The following ARHGEF18 variants were observed in gnomAD, a reference collection of about 807,000 sequenced individuals.
The protein encoded by ARHGEF18 is Rho/Rac guanine nucleotide exchange factor 18.
A neutral mutation model predicts 155.7 loss-of-function variants in ARHGEF18; 93 were observed. That is an observed-to-expected ratio of 0.60 (90% CI 0.50 to 0.71). The LOEUF is 0.71. Ranked by LOEUF, ARHGEF18 falls within the 30% of genes least tolerant of loss-of-function variation. The pLI is 0.00. For synonymous variants in ARHGEF18, 742 were observed against 753.1 expected, an observed-to-expected ratio of 0.99 and a Z score of 0.24; for missense variants, 1,593 against 1,816.1, an observed-to-expected ratio of 0.88 and a Z score of 2.23.
At chr19:7,367,866 ATTTT>A (rs1207543438) in intron 2 of ARHGEF18, among the ~76,000 whole-genome samples, 15 of 106,084 alleles carry the variant, frequency 1.4e-4, no homozygotes, top group African/African-American at 2.0e-4. Flanking sequence ...ACACATATAT[ATTTT>A]TATATATATA....
At chr19:7,467,026 G>C in intron 24 of ARHGEF18, 45 bp from the exon 25 acceptor site, 2 of 1,611,586 alleles carry the variant, frequency 1.2e-6, no homozygotes, top group East Asian at 4.5e-5. Flanking sequence ...CGCGCGTGTG[G>C]CCTCAGCCCG....
intron 10 of ARHGEF18, among the ~76,000 whole-genome samples, chr19:7,406,425 G>C (rs1238914958): frequency 6.6e-6 from 1 of 152,146 alleles, no homozygotes; most frequent in Non-Finnish European, 1.5e-5. Flanking sequence ...TGAATTCTCT[G>C]TGAATATAAT....
intron 15 of ARHGEF18, among the ~76,000 whole-genome samples, chr19:7,449,686 AT>A (rs1215989645): frequency 1.3e-5 from 2 of 151,480 alleles, no homozygotes; most frequent in Non-Finnish European, 1.5e-5. Flanking sequence ...CATTTATTTT[AT>A]TTTTTTAGAG....
intron 15 of ARHGEF18, among the ~76,000 whole-genome samples, chr19:7,449,711 C>G (rs574854039): frequency 3.4e-4 from 51 of 152,132 alleles, no homozygotes; most frequent in African/African-American, 1.2e-3. Flanking sequence ...GGGTCTTGCT[C>G]TGTGGCCCAG....
intron 16 of ARHGEF18, 140 bp downstream of exon 16, chr19:7,451,406 T>A: frequency 3.6e-5 from 9 of 250,076 alleles, no homozygotes; most frequent in Non-Finnish European, 5.1e-5. Context: ...GTTCCTTCCT[T>A]TTTTTTTTTT....
intron 23 of ARHGEF18, 152 bp downstream of exon 23, chr19:7,464,842 T>A: frequency 1.8e-6 from 2 of 1,140,750 alleles, no homozygotes; most frequent in South Asian, 1.6e-5. Flanking sequence ...CAGCCCAGAT[T>A]AATGCACTGG....
chr19:7,414,424 C>T (rs956564578), intron 10 of ARHGEF18, among the ~76,000 whole-genome samples: 8 of 152,104 alleles, frequency 5.3e-5, no homozygotes, highest in Non-Finnish European at 8.8e-5. Context: ...TGCCTGTAAT[C>T]CCAGCACTTT....
chr19:7,365,762 G>T (rs954686354), intron 2 of ARHGEF18, among the ~76,000 whole-genome samples: 5 of 152,054 alleles, frequency 3.3e-5, no homozygotes, highest in Admixed American at 3.3e-4. Context: ...CTCCCATCAG[G>T]CACCAAGTCC....
intron 2 of ARHGEF18, among the ~76,000 whole-genome samples, chr19:7,367,612 G>A (rs1969943138): frequency 1.3e-5 from 2 of 150,690 alleles, no homozygotes; most frequent in Non-Finnish European, 3.0e-5. Flanking sequence ...CAGGTGTGGT[G>A]GTGGACACCT....
Position 7,369,018 on chromosome 19 carries a change from G to A in ARHGEF18, c.16-3794G>A, listed in dbSNP as rs536805251. Among the ~76,000 whole-genome samples, 3 of 152,322 alleles carry A rather than the reference G, an allele frequency of 2.0e-5. No individual in the cohort carries two copies. In the East Asian group the frequency reaches 5.8e-4, roughly 29 times the overall value. ...GAAGGCAGGCTGTGGAAACAGCAGA[G>A]TGAGTCCTTAGGAAGTTAAACCTAA... On this transcript the variant is annotated intron_variant, in intron 2 of 28. Coordinates refer to ENST00000668164, the MANE Select transcript of ARHGEF18 (RefSeq NM_001367823.1).
intron 23 of ARHGEF18, 79 bp from the exon 24 acceptor site, chr19:7,466,839 G>GT: frequency 3.2e-6 from 2 of 623,182 alleles, no homozygotes; most frequent in Non-Finnish European, 5.0e-6. Context: ...TAAAAAAAAA[G>GT]AAGAAGAAGA....
At chr19:7,478,904 TGAGG>T in the ARHGEF18 span, among the ~76,000 whole-genome samples, 1 of 152,120 alleles carries the variant, frequency 6.6e-6, no homozygotes, top group African/African-American at 2.4e-5. Context: ...ATCTGCAGGC[TGAGG>T]AAGGGGCTAC....
intron 15 of ARHGEF18, among the ~76,000 whole-genome samples, chr19:7,450,689 T>C (rs1193573916): frequency 2.6e-5 from 4 of 152,402 alleles, no homozygotes; most frequent in East Asian, 1.9e-4. Context: ...ATGCGGGATC[T>C]TGCTGTCCGT....
In ARHGEF18 at chr19:7,382,782, C is replaced by T. The variant is rs573266715; in HGVS notation, c.723-10C>T. ...GCCCCCTCTAGTGGACCTTCCCTCT[C>T]GTCCCTCAGGAGCGAGGACGGTGCT... On this transcript the variant is annotated splice_polypyrimidine_tract_variant and intron_variant, in intron 8 of 28. Coordinates refer to ENST00000668164, the MANE Select transcript of ARHGEF18 (RefSeq NM_001367823.1). The T allele has an allele frequency of 4.9e-6, 6 of 1,232,182 alleles. No homozygotes were observed. The highest frequency in any genetic ancestry group is 4.1e-5 in the South Asian group (1 of 24,292). The allele number at this position is 1,232,182 out of a possible 1,614,324, so 76.3% of individuals were successfully genotyped here. A position where few individuals can be genotyped will look rare whatever the true frequency, so the allele number is the denominator to read the frequency against.
At position 7,467,500 on chromosome 19, in the gene ARHGEF18, G is replaced by A. The variant is rs77975237; in HGVS notation, c.3296G>A (p.Arg1099His). The A allele has an allele frequency of 7.0e-7, 1 of 1,433,430 alleles. No individual in the cohort carries two copies. The highest frequency in any genetic ancestry group is 9.0e-7 in the Non-Finnish European group (1 of 1,105,612). The allele number at this position is 1,433,430 out of a possible 1,614,324, so 88.8% of individuals were successfully genotyped here. ...CGCGAGGGCGAGGCGCGGCAGCTACGCGAGCGGCTGGAGCAGGAGCGGGCC... is the reference window on the plus strand; with the variant it reads ...CGCGAGGGCGAGGCGCGGCAGCTACACGAGCGGCTGGAGCAGGAGCGGGCC... Reference protein sequence around the residue: ...QEREGEARQLRERLEQERAEL... With the variant: ...QEREGEARQLHERLEQERAEL... Residue 1099 changes from arginine (R) to histidine (H), a missense_variant, in exon 26 of 29, where the codon CGC becomes CAC. Physicochemically the swap from Arg to His is conservative, Grantham distance 29. Coordinates refer to ENST00000668164, the MANE Select transcript of ARHGEF18 (RefSeq NM_001367823.1).
rs57067990 is a variant in ARHGEF18 at position 7,398,703 on chromosome 19, A to T, written c.967+15500A>T. ...TAGACTCTGTCTCAAAAAAAAAAAA[A>T]AAAATAAAGAAAGAAAGAAAAGAGA... On this transcript the variant is annotated intron_variant, in intron 10 of 28. Coordinates refer to ENST00000668164, the MANE Select transcript of ARHGEF18 (RefSeq NM_001367823.1). 0.017 allele frequency among the ~76,000 whole-genome samples: 2,613 copies of T among 150,382 alleles called. 141 individuals are homozygous for T. The East Asian group carries it at 0.19, about 11-fold the overall frequency.
rs374690580 is a variant in ARHGEF18, at chr19:7,368,020, C to CGGAA, written c.16-4768_16-4765dup. On this transcript the variant is annotated intron_variant, in intron 2 of 28. Transcript: ENST00000668164. The stretch of plus-strand genomic sequence containing the variant: ...GAGAGAGGGAGGGAGGGAGGGAGGG[C>CGGAA]GGAAGGAAGGAAGGAAGGAAGGAAG... Among the ~76,000 whole-genome samples, 45 of 95,184 alleles carry CGGAA rather than the reference C, an allele frequency of 4.7e-4. 1 individual carries two copies. The highest frequency in any genetic ancestry group is 1.2e-3 in the East Asian group (4 of 3,356). The allele number at this position is 95,184 out of a possible 152,430, so 62.4% of individuals were successfully genotyped here.
chr19:7,404,767 G>A (rs1239715514), intron 10 of ARHGEF18, among the ~76,000 whole-genome samples: 2 of 152,110 alleles, frequency 1.3e-5, no homozygotes, highest in East Asian at 1.9e-4. Context: ...GGTCTGGAAG[G>A]TTCGCCTGAT....
Position 7,458,509 on chromosome 19 carries a change from C to G in ARHGEF18, c.2182-3C>G. ...ACCTCCCCAATGCCCTCTACTCATGCAGGACTCAAAGCCACCCGTCATCTC... is the reference window on the plus strand; with the variant it reads ...ACCTCCCCAATGCCCTCTACTCATGGAGGACTCAAAGCCACCCGTCATCTC... On this transcript the variant is annotated splice_polypyrimidine_tract_variant and splice_region_variant and intron_variant, in intron 18 of 28. Transcript: ENST00000668164. The G allele has an allele frequency of 1.2e-6, 2 of 1,613,694 alleles. No individual in the cohort carries two copies. The highest frequency in any genetic ancestry group is 1.1e-5 in the South Asian group (1 of 91,050).
Sources: gnomAD v4.1 joint callset for allele counts (sites outside exome capture counted in the v4.1 genomes callset) on GRCh38, gnomAD v4.1.1 for gene constraint, MANE v1.5 for transcripts, NCBI Gene and HGNC (gene_info 2026-07-23, HGNC 2026-07-21) for gene names.